Variants in MIPEP observed in about 807,000 individuals in gnomAD.
MIPEP encodes mitochondrial intermediate peptidase.
In MIPEP, 79 loss-of-function variants were observed where a neutral mutation model predicts 90.3. The ratio of observed to expected loss-of-function variants is 0.87; its 90% CI spans 0.73 to 1.05. The LOEUF is 1.05. MIPEP is among the 50% of genes least tolerant of loss of function. MIPEP has a pLI of 0.00. For missense variants in MIPEP, 940 were observed against 905.6 expected (o/e 1.04, Z -0.49); for synonymous variants, 334 against 315.8 (o/e 1.06, Z -0.61).
intron 14 of MIPEP, among the ~76,000 whole-genome samples, chr13:23,821,345 T>A (rs192394705): frequency 6.6e-6 from 1 of 152,258 alleles, no homozygotes; most frequent in Non-Finnish European, 1.5e-5. Context: ...ATACTTCAGA[T>A]AATTTATGCC....
chr13:23,884,521 G>A (rs1401112477), intron 2 of MIPEP, among the ~76,000 whole-genome samples: 1 of 152,118 alleles, frequency 6.6e-6, no homozygotes, highest in Non-Finnish European at 1.5e-5. Context: ...ACCCTGCCTG[G>A]GCTGGCAGCC....
chr13:23,877,664 T>G (rs1871124680), intron 4 of MIPEP, among the ~76,000 whole-genome samples: 1 of 152,250 alleles, frequency 6.6e-6, no homozygotes, highest in South Asian at 2.1e-4. Context: ...AATCTAAGAA[T>G]AACATGATGA....
At chr13:23,852,939 A>G (rs1000824746) in intron 10 of MIPEP, among the ~76,000 whole-genome samples, 1 of 152,194 alleles carries the variant, frequency 6.6e-6, no homozygotes, top group Non-Finnish European at 1.5e-5. Flanking sequence ...GGTTTATAAC[A>G]AAAAAATTTA....
At chr13:23,733,567 G>A (rs78767250) in intron 18 of MIPEP, among the ~76,000 whole-genome samples, 3,172 of 152,282 alleles carry the variant, frequency 0.021, 47 homozygotes, top group Non-Finnish European at 0.033. Context: ...AGAGCTCAGG[G>A]ACAGCTTGGG....
chr13:23,799,625 C>G lies in MIPEP; in HGVS notation c.1848+6325G>C, dbSNP rs532130008. ...ACAGGCATGAGCCACTGCGCCCGGC[C>G]TAGGATAATTTTTAACTAATGCTAA... On this transcript the variant is annotated intron_variant, in intron 16 of 18. Transcript: ENST00000382172. 3.3e-5 allele frequency among the ~76,000 whole-genome samples: 5 copies of G among 152,334 alleles called. No homozygotes were observed. In the East Asian group the frequency reaches 9.6e-4, roughly 29 times the overall value.
intron 16 of MIPEP, among the ~76,000 whole-genome samples, chr13:23,772,149 A>C (rs1274834857): frequency 6.6e-6 from 1 of 152,192 alleles, no homozygotes; most frequent in African/African-American, 2.4e-5. Context: ...AGGTCATGTT[A>C]CCACCTGTAT....
intron 16 of MIPEP, among the ~76,000 whole-genome samples, chr13:23,799,132 T>C (rs868460396): frequency 2.7e-5 from 4 of 149,830 alleles, no homozygotes; most frequent in Non-Finnish European, 4.4e-5. Context: ...GCCTCCCCAG[T>C]AGCTGAGACT....
intron 16 of MIPEP, among the ~76,000 whole-genome samples, chr13:23,804,708 C>T (rs749647889): frequency 4.6e-5 from 7 of 152,286 alleles, no homozygotes; most frequent in East Asian, 1.9e-4. Context: ...CTGGTAAATA[C>T]GATCTCTTCC....
chr13:23,767,865 C>A (rs1008096172), intron 16 of MIPEP, among the ~76,000 whole-genome samples: 8 of 151,834 alleles, frequency 5.3e-5, no homozygotes, highest in Non-Finnish European at 8.8e-5. Flanking sequence ...AGTAAGTGTT[C>A]CTTCCTTCAT....
At position 23,864,151 on chromosome 13, in the gene MIPEP, G is replaced by A; in HGVS notation, c.982C>T (p.Leu328Phe). 6.4e-7 allele frequency: 1 copy of A among 1,557,546 alleles called. No individual in the cohort carries two copies. Among genetic ancestry groups the A allele is most frequent in the Non-Finnish European group, 8.7e-7 (1 of 1,147,042 alleles). The change falls in exon 8 of 19, where the codon CTT becomes TTT. Residue 328 changes from leucine to phenylalanine, a missense_variant. Coordinates refer to ENST00000382172, the MANE Select transcript of MIPEP (RefSeq NM_005932.4). ...AGAATAAAAACTAACCTTTCAGAAA[G>A]TTTGTCAGATAGTTTTTCAAGGAAC... ...MQFLEKLSDK[L>F]SERTLKDFEM...
intron 10 of MIPEP, among the ~76,000 whole-genome samples, chr13:23,846,040 G>T (rs986290278): frequency 3.3e-5 from 5 of 150,814 alleles, no homozygotes; most frequent in Admixed American, 1.3e-4. Context: ...TCCTAATTTT[G>T]ATACTTTTGG....
chr13:23,816,813 C>T (rs1410457266), intron 14 of MIPEP, among the ~76,000 whole-genome samples: 3 of 152,126 alleles, frequency 2.0e-5, no homozygotes, highest in African/African-American at 7.2e-5. Context: ...CAGAGGAGGC[C>T]GACAGAAAAT....
intron 14 of MIPEP, among the ~76,000 whole-genome samples, chr13:23,819,993 G>A (rs996809219): frequency 4.6e-5 from 7 of 151,226 alleles, no homozygotes; most frequent in Non-Finnish European, 1.5e-5. Context: ...TGGGTGACAA[G>A]AGGGAGACTC....
chr13:23,791,301 G>A (rs2137376599), intron 16 of MIPEP, among the ~76,000 whole-genome samples: 1 of 152,304 alleles, frequency 6.6e-6, no homozygotes, highest in East Asian at 1.9e-4. Context: ...TTTCAAACCA[G>A]TGGCACTAAC....
At chr13:23,870,292 ATT>A (rs1870733510) in intron 5 of MIPEP, 97 bp from the exon 6 acceptor site, 4 of 659,586 alleles carry the variant, frequency 6.1e-6, no homozygotes, top group Admixed American at 4.0e-5. Flanking sequence ...CAACATATAT[ATT>A]GTTGAATTAT....
chr13:23,830,737 A>G (rs9510883), intron 14 of MIPEP, among the ~76,000 whole-genome samples: 32,558 of 152,064 alleles, frequency 0.21, 4,156 homozygotes, highest in East Asian at 0.45. Flanking sequence ...GAAAGACTTG[A>G]GTTTCATTTT....
At position 23,882,130 on chromosome 13, in the gene MIPEP, C is replaced by T. The variant is rs567651571; in HGVS notation, c.364-343G>A. On this transcript the variant is annotated intron_variant, in intron 2 of 18. Coordinates refer to ENST00000382172, the MANE Select transcript of MIPEP (RefSeq NM_005932.4). ...CGTCGCCCAGGCTGGAGTGCATTGG[C>T]GCAATCTCAGGTCACTGCAAGCTCC... is the stretch of plus-strand genomic sequence containing the variant. Among the ~76,000 whole-genome samples, 4 of 146,522 alleles carry T rather than the reference C, an allele frequency of 2.7e-5. No homozygotes were observed. The East Asian group carries it at 8.1e-4, about 30-fold the overall frequency.
intron 15 of MIPEP, among the ~76,000 whole-genome samples, chr13:23,806,968 G>A (rs149133459): frequency 1.3e-5 from 2 of 152,246 alleles, no homozygotes; most frequent in African/African-American, 4.8e-5. Context: ...CATCTCGTGA[G>A]TATAGATGTA....
chr13:23,780,975 T>G (rs1952776196), intron 16 of MIPEP, among the ~76,000 whole-genome samples: 1 of 152,168 alleles, frequency 6.6e-6, no homozygotes, highest in Non-Finnish European at 1.5e-5. Context: ...AATCTACGTC[T>G]GATTGGTGTA....
Sources: allele counts gnomAD v4.1 joint callset (sites outside exome capture counted in the v4.1 genomes callset), GRCh38; gene constraint gnomAD v4.1.1; transcripts MANE v1.5; gene names NCBI Gene and HGNC (gene_info 2026-07-23, HGNC 2026-07-21).